Variants in DAD1 observed in about 807,000 individuals in gnomAD.
The protein encoded by DAD1 is dolichyl-diphosphooligosaccharide--protein glycosyltransferase subunit DAD1.
In DAD1, 4 loss-of-function variants were observed where a neutral mutation model predicts 9.0. The observed-to-expected ratio is 0.44, with a 90% CI of 0.22 to 1.01. DAD1 has a LOEUF of 1.01. DAD1 is among the 50% of genes least tolerant of loss of function. DAD1 has a pLI of 0.24. For missense variants in DAD1, 119 were observed against 137.3 expected, an observed-to-expected ratio of 0.87 and a Z score of 0.67; for synonymous variants, 60 against 62.5, an observed-to-expected ratio of 0.96 and a Z score of 0.19.
At position 22,589,116 on chromosome 14, in the gene DAD1, T is replaced by A. The variant is rs927291161; in HGVS notation, c.42A>T (p.Glu14Asp). ...SVVSVISRFL[E>D]EYLSSTPQRL... ...GCTGCGGAGTGGAGCTCAAGTACTCTTCTAAGAACCGCGAAATGACAGACA... is the reference window on the plus strand; with the variant it reads ...GCTGCGGAGTGGAGCTCAAGTACTCATCTAAGAACCGCGAAATGACAGACA... Residue 14 changes from glutamate to aspartate, a missense_variant, in exon 1 of 3, where the codon GAA becomes GAT. Transcript: ENST00000250498. 6.2e-7 allele frequency: 1 copy of A among 1,614,070 alleles called. No individual in the cohort carries two copies. The highest frequency in any genetic ancestry group is 1.3e-5 in the African/African-American group (1 of 74,924).
intron 1 of DAD1, among the ~76,000 whole-genome samples, chr14:22,586,070 G>A (rs1282343773): frequency 1.3e-5 from 2 of 152,168 alleles, no homozygotes; most frequent in African/African-American, 4.8e-5. Flanking sequence ...GCTGGACGTG[G>A]TGGCAGGCGC....
intron 1 of DAD1, among the ~76,000 whole-genome samples, chr14:22,586,186 T>C (rs8007795): frequency 0.69 from 102,654 of 148,326 alleles, 37,063 homozygotes; most frequent in African/African-American, 0.93. Context: ...GGGGACAGAG[T>C]GAGACTCCGT....
chr14:22,572,395 T>G (rs544321849), intron 2 of DAD1, among the ~76,000 whole-genome samples: 118 of 152,310 alleles, frequency 7.7e-4, no homozygotes, highest in Non-Finnish European at 1.2e-3. Flanking sequence ...TTTTAAAAAC[T>G]GAGAGCAGGA....
chr14:22,570,785 A>AT (rs1192123471), intron 2 of DAD1, among the ~76,000 whole-genome samples: 1 of 152,200 alleles, frequency 6.6e-6, no homozygotes, highest in Non-Finnish European at 1.5e-5. Flanking sequence ...AATGGTCTCC[A>AT]TTATAAAAAC....
chr14:22,586,225 A>G (rs902865257), intron 1 of DAD1, among the ~76,000 whole-genome samples: 1 of 150,776 alleles, frequency 6.6e-6, no homozygotes, highest in Non-Finnish European at 1.5e-5. Flanking sequence ...GCATCTTCAG[A>G]AGCTTTACTA....
At chr14:22,577,574 G>A (rs956788069) in intron 1 of DAD1, among the ~76,000 whole-genome samples, 1 of 152,188 alleles carries the variant, frequency 6.6e-6, no homozygotes, top group Non-Finnish European at 1.5e-5. Flanking sequence ...AAAGTGTGAT[G>A]TATACATACA....
At chr14:22,583,127 T>G (rs2037129151) in intron 1 of DAD1, among the ~76,000 whole-genome samples, 1 of 151,574 alleles carries the variant, frequency 6.6e-6, no homozygotes, top group African/African-American at 2.4e-5. Context: ...ATATCAGACA[T>G]CAAGTGAAGA....
intron 1 of DAD1, among the ~76,000 whole-genome samples, chr14:22,584,079 T>A (rs5742762): frequency 0.09 from 13,666 of 152,098 alleles, 1,168 homozygotes; most frequent in African/African-American, 0.21. Context: ...TATCCATATT[T>A]ACTTGTCTGT....
intron 1 of DAD1, among the ~76,000 whole-genome samples, chr14:22,585,008 C>T (rs2037142991): frequency 2.6e-5 from 4 of 152,128 alleles, no homozygotes; most frequent in Admixed American, 2.0e-4. Context: ...GACTATCAGG[C>T]ACATGGGTGG....
chr14:22,581,815 A>G (rs2037118191), intron 1 of DAD1, among the ~76,000 whole-genome samples: 1 of 151,802 alleles, frequency 6.6e-6, no homozygotes, highest in South Asian at 2.1e-4. Flanking sequence ...GGAAGGACAC[A>G]AGGGCCAAAT....
At chr14:22,580,734 C>T (rs978825855) in intron 1 of DAD1, among the ~76,000 whole-genome samples, 30 of 152,244 alleles carry the variant, frequency 2.0e-4, no homozygotes, top group African/African-American at 6.5e-4. Context: ...CACCAACACC[C>T]CATTTGATGT....
At chr14:22,581,674 C>T (rs2037116716) in intron 1 of DAD1, among the ~76,000 whole-genome samples, 2 of 133,704 alleles carry the variant, frequency 1.5e-5, no homozygotes, top group Non-Finnish European at 3.1e-5. Flanking sequence ...ACCCGGGAGG[C>T]GGAAGTTGCA....
At chr14:22,588,817 C>T in intron 1 of DAD1, 130 bp downstream of exon 1, 1 of 921,040 alleles carries the variant, frequency 1.1e-6, no homozygotes, top group Non-Finnish European at 1.6e-6. Context: ...TTTCCCCATT[C>T]ACAACAAAAG....
At chr14:22,585,945 G>A (rs1409897781) in intron 1 of DAD1, among the ~76,000 whole-genome samples, 4 of 152,134 alleles carry the variant, frequency 2.6e-5, no homozygotes, top group South Asian at 2.1e-4. Context: ...GGTGGCTCAC[G>A]CCTGTAATCC....
At chr14:22,571,105 C>T (rs1374788111) in intron 2 of DAD1, among the ~76,000 whole-genome samples, 2 of 151,230 alleles carry the variant, frequency 1.3e-5, no homozygotes, top group African/African-American at 4.9e-5. Flanking sequence ...GAGTGGATCA[C>T]GAGGACAGGA....
intron 1 of DAD1, among the ~76,000 whole-genome samples, chr14:22,579,488 C>T (rs2037100493): frequency 6.6e-6 from 1 of 152,138 alleles, no homozygotes; most frequent in Non-Finnish European, 1.5e-5. Context: ...TTCAGGTATC[C>T]AGACCCTTAA....
chr14:22,565,141 G>A lies in DAD1; in HGVS notation c.*45-4C>T. 1 of 701,970 alleles carries A rather than the reference G, an allele frequency of 1.4e-6. No individual in the cohort carries two copies. The highest frequency in any genetic ancestry group is 1.5e-5 in the South Asian group (1 of 67,548). 43.5% of individuals were successfully genotyped at this position (701,970 alleles called of 1,614,324 possible). A position where few individuals can be genotyped will look rare whatever the true frequency, so the allele number is the denominator to read the frequency against. ...CCAGGAAATTCAAAGAGTGAACCTAGAAGAAAAAAGCAGCAAGGTTAAATG... is the reference window on the plus strand; with the variant it reads ...CCAGGAAATTCAAAGAGTGAACCTAAAAGAAAAAAGCAGCAAGGTTAAATG... On this transcript the variant is annotated splice_region_variant and splice_polypyrimidine_tract_variant and intron_variant, in intron 2 of 2. Coordinates refer to ENST00000250498, the MANE Select transcript of DAD1 (RefSeq NM_001344.4).
intron 2 of DAD1, among the ~76,000 whole-genome samples, chr14:22,568,209 C>G (rs555000721): frequency 1.3e-5 from 2 of 152,272 alleles, no homozygotes; most frequent in Non-Finnish European, 2.9e-5. Flanking sequence ...AATAGGAATA[C>G]TACTATTTGT....
intron 1 of DAD1, among the ~76,000 whole-genome samples, chr14:22,586,377 C>G (rs1164996490): frequency 6.6e-6 from 1 of 151,588 alleles, no homozygotes; most frequent in African/African-American, 2.4e-5. Flanking sequence ...GAAACTCCGT[C>G]TCCACTAAAA....
Sources: allele counts gnomAD v4.1 joint callset (sites outside exome capture counted in the v4.1 genomes callset), GRCh38; gene constraint gnomAD v4.1.1; transcripts MANE v1.5; gene names NCBI Gene and HGNC (gene_info 2026-07-23, HGNC 2026-07-21).